Variants in TNFRSF8 observed in about 807,000 individuals in gnomAD.
The protein encoded by TNFRSF8 is TNF receptor superfamily member 8, also known as tumor necrosis factor receptor superfamily member 8.
In TNFRSF8, 26 loss-of-function variants were observed where a neutral mutation model predicts 70.8. The ratio of observed to expected loss-of-function variants is 0.37; its 90% CI spans 0.27 to 0.51. The LOEUF is 0.51. Ranked by LOEUF, TNFRSF8 falls within the 20% of genes least tolerant of loss-of-function variation. The pLI is 0.94. For missense variants in TNFRSF8, 720 were observed against 807.9 expected, an observed-to-expected ratio of 0.89 and a Z score of 1.32; for synonymous variants, 356 against 339.2, an observed-to-expected ratio of 1.05 and a Z score of -0.54.
At chr1:12,140,849 C>T (rs193252824) in intron 14 of TNFRSF8, among the ~76,000 whole-genome samples, 1 of 151,956 alleles carries the variant, frequency 6.6e-6, no homozygotes. Flanking sequence ...CTGCCCATCC[C>T]CCTCTGGGCC....
intron 6 of TNFRSF8, 31 bp from the exon 7 acceptor site, chr1:12,111,867 T>C: frequency 6.2e-7 from 1 of 1,602,052 alleles, no homozygotes; most frequent in Non-Finnish European, 8.6e-7. Context: ...CAAGGCGGCC[T>C]GGCCTGCAGC....
chr1:12,138,803 A>G lies in TNFRSF8; in HGVS notation c.1543+367A>G, dbSNP rs541666814. Among the ~76,000 whole-genome samples, 5 of 152,290 alleles carry G rather than the reference A, an allele frequency of 3.3e-5. No homozygotes were observed. The South Asian group carries it at 1.0e-3, about 32-fold the overall frequency. On this transcript the variant is annotated intron_variant, in intron 14 of 14. Transcript: ENST00000263932. This position sits in a 1 kb window ranked among gnomAD's most constrained non-coding sequence, Gnocchi z 5.7. ...GGCACTGTGTAGGTGCCATCTCTTC[A>G]TCTCTGATGGTCTCACCACCTTCTT...
intron 1 of TNFRSF8, among the ~76,000 whole-genome samples, chr1:12,065,655 T>C (rs575539114): frequency 6.6e-6 from 1 of 152,332 alleles, no homozygotes; most frequent in East Asian, 1.9e-4. Context: ...GGTTCTTCAT[T>C]TGGCTTTATA....
At chr1:12,074,325 G>A (rs1435999261) in intron 1 of TNFRSF8, among the ~76,000 whole-genome samples, 2 of 151,492 alleles carry the variant, frequency 1.3e-5, no homozygotes, top group East Asian at 3.9e-4. Flanking sequence ...TGTCACCCAG[G>A]CTGGAGTGCA....
intron 8 of TNFRSF8, among the ~76,000 whole-genome samples, chr1:12,117,588 A>C (rs555555696): frequency 4.9e-4 from 74 of 152,298 alleles, no homozygotes; most frequent in African/African-American, 1.6e-3. Context: ...TTCCCTGGCC[A>C]ACTTCCTACT....
intron 7 of TNFRSF8, 119 bp from the exon 8 acceptor site, chr1:12,115,458 A>G: frequency 9.0e-7 from 1 of 1,113,020 alleles, no homozygotes; most frequent in African/African-American, 1.5e-5. Flanking sequence ...TCAGACGAGC[A>G]TTTATTTTCT....
intron 3 of TNFRSF8, among the ~76,000 whole-genome samples, chr1:12,099,342 A>C (rs1483482390): frequency 6.6e-6 from 1 of 151,970 alleles, no homozygotes; most frequent in Non-Finnish European, 1.5e-5. Context: ...ATGGGGTTTC[A>C]TCATGTTGCC....
chr1:12,125,701 G>A (rs11569911), intron 10 of TNFRSF8, among the ~76,000 whole-genome samples: 76 of 152,186 alleles, frequency 5.0e-4, no homozygotes, highest in African/African-American at 1.8e-3. Flanking sequence ...CTTTGTTCTG[G>A]CTCCTAGACG....
intron 4 of TNFRSF8, among the ~76,000 whole-genome samples, chr1:12,105,303 C>T (rs1641499983): frequency 6.6e-6 from 1 of 152,170 alleles, no homozygotes; most frequent in Admixed American, 6.5e-5. Context: ...GTCCCATGCC[C>T]TGTTGTGCAA....
intron 14 of TNFRSF8, among the ~76,000 whole-genome samples, chr1:12,140,019 A>G (rs966586636): frequency 6.6e-6 from 1 of 152,246 alleles, no homozygotes; most frequent in African/African-American, 2.4e-5. Context: ...ATTTTGGGAA[A>G]TACCATCAAA....
chr1:12,115,678 C>T lies in TNFRSF8; in HGVS notation c.895C>T (p.Arg299Cys), dbSNP rs201661836. The change falls in exon 8 of 15, where the codon CGC becomes TGC. Residue 299 changes from arginine (R) to cysteine (C), a missense_variant. By Grantham distance (180) the Arg-to-Cys change is radical. Transcript: ENST00000263932. ...CATSATNSCA[R>C]CVPYPICAAE... ...CACATCAGCCACCAACTCCTGTGCC[C>T]GCTGTGTCCCCTACCCAATCTGTGC... 9.4e-5 allele frequency: 152 copies of T among 1,614,086 alleles called. No individual in the cohort carries two copies. Among genetic ancestry groups the T allele is most frequent in the Admixed American group, 3.3e-4 (20 of 60,010 alleles).
chr1:12,121,616 G>A (rs1218218442), intron 8 of TNFRSF8, among the ~76,000 whole-genome samples: 4 of 152,178 alleles, frequency 2.6e-5, no homozygotes, highest in Admixed American at 2.6e-4. Flanking sequence ...CCAGCCCTGC[G>A]GCTCTCTCCA....
chr1:12,103,307 AT>A (rs890276156), intron 3 of TNFRSF8, among the ~76,000 whole-genome samples: 1 of 151,938 alleles, frequency 6.6e-6, no homozygotes, highest in Non-Finnish European at 1.5e-5. Flanking sequence ...GTGAGCCGAG[AT>A]TGCGCCATTG....
At chr1:12,101,558 A>C (rs1641423387) in intron 3 of TNFRSF8, among the ~76,000 whole-genome samples, 3 of 152,222 alleles carry the variant, frequency 2.0e-5, no homozygotes, top group Admixed American at 2.0e-4. Context: ...TACAACTGGC[A>C]GGGCAGTAGG....
chr1:12,080,244 C>T (rs1641040694), intron 1 of TNFRSF8: 3 of 519,104 alleles, frequency 5.8e-6, no homozygotes, highest in Non-Finnish European at 1.1e-5. Context: ...CCACCGTGCC[C>T]AGCCAAGATG....
At chr1:12,121,092 C>T (rs900864127) in intron 8 of TNFRSF8, among the ~76,000 whole-genome samples, 7 of 152,198 alleles carry the variant, frequency 4.6e-5, no homozygotes, top group Non-Finnish European at 1.0e-4. Flanking sequence ...AGCTCCAGTC[C>T]ACTCAAAGTA....
In TNFRSF8 at chr1:12,143,127, C is replaced by G. The variant is rs1642289048; in HGVS notation, c.*596C>G. 6.5e-6 allele frequency: 1 copy of G among 154,838 alleles called. No homozygotes were observed. Among genetic ancestry groups the G allele is most frequent in the South Asian group, 1.9e-4 (1 of 5,244 alleles). 9.6% of individuals were successfully genotyped at this position (154,838 alleles called of 1,614,324 possible). A position where few individuals can be genotyped will look rare whatever the true frequency, so the allele number is the denominator to read the frequency against. ...CACTGTCTCTGCTGCAGCGGCCACA[C>G]TGTACTCTGCACTGGTGTGAGGGCC... On this transcript the variant is annotated 3_prime_UTR_variant, in exon 15 of 15. Coordinates refer to ENST00000263932, the MANE Select transcript of TNFRSF8 (RefSeq NM_001243.5). This position sits in a 1 kb window ranked among gnomAD's most constrained non-coding sequence, Gnocchi z 4.1.
rs1236117239 is a variant in TNFRSF8 at position 12,063,416 on chromosome 1, A to G, written c.-183A>G. 1 of 424,756 alleles carries G rather than the reference A, an allele frequency of 2.4e-6. No individual in the cohort carries two copies. Among genetic ancestry groups the G allele is most frequent in the African/African-American group, 2.0e-5 (1 of 48,848 alleles). 26.3% of individuals were successfully genotyped at this position (424,756 alleles called of 1,614,324 possible). A position where few individuals can be genotyped will look rare whatever the true frequency, so the allele number is the denominator to read the frequency against. ...AGGCTGAAACCTCGGAGGAACAACC[A>G]CTTTTGAAGTGACTTCGCGGCGTGC... On this transcript the variant is annotated 5_prime_UTR_variant, in exon 1 of 15. Transcript: ENST00000263932. The surrounding 1 kb of genome is among the most constrained non-coding windows in gnomAD (Gnocchi z 7.2).
intron 1 of TNFRSF8, among the ~76,000 whole-genome samples, chr1:12,079,404 A>C (rs1641023896): frequency 6.7e-6 from 1 of 148,812 alleles, no homozygotes; most frequent in Non-Finnish European, 1.5e-5. Flanking sequence ...TCCCCCTCCC[A>C]CTCTTCGCTT....
Sources: allele counts gnomAD v4.1 joint callset (sites outside exome capture counted in the v4.1 genomes callset), GRCh38; gene constraint gnomAD v4.1.1; non-coding constraint Gnocchi (gnomAD v3.1); transcripts MANE v1.5; gene names NCBI Gene and HGNC (gene_info 2026-07-23, HGNC 2026-07-21).